The following NEBL variants were observed in gnomAD, a reference collection of about 807,000 sequenced individuals.
NEBL encodes nebulette.
Under a neutral mutation model 140.2 loss-of-function variants are expected in NEBL, and 122 were observed. The observed-to-expected ratio is 0.87, with a 90% CI of 0.75 to 1.01. The LOEUF is 1.01. NEBL is among the 50% of genes least tolerant of loss of function. NEBL has a pLI of 0.00. For missense variants in NEBL, 1,365 were observed against 1,231.3 expected, an observed-to-expected ratio of 1.11 and a Z score of -1.62; for synonymous variants, 436 against 398.9, an observed-to-expected ratio of 1.09 and a Z score of -1.11.
intron 26 of NEBL, among the ~76,000 whole-genome samples, chr10:20,800,253 T>G (rs962546214): frequency 1.3e-5 from 2 of 152,090 alleles, no homozygotes; most frequent in Admixed American, 6.6e-5. Context: ...CTTATTTCAC[T>G]TAGTATAATG....
intron 26 of NEBL, among the ~76,000 whole-genome samples, chr10:20,788,186 G>A (rs536566612): frequency 6.6e-6 from 1 of 152,272 alleles, no homozygotes; most frequent in South Asian, 2.1e-4. Context: ...ATGTGTTTAA[G>A]TTATCTGTGA....
intron 3 of NEBL, among the ~76,000 whole-genome samples, chr10:21,201,279 G>T (rs1301960712): frequency 6.6e-6 from 1 of 152,146 alleles, no homozygotes; most frequent in Non-Finnish European, 1.5e-5. Context: ...CCTGTGTCGG[G>T]CTTTCTCTAG....
intron 5 of NEBL, among the ~76,000 whole-genome samples, chr10:20,875,760 A>G (rs1208379624): frequency 6.6e-6 from 1 of 151,942 alleles, no homozygotes; most frequent in Non-Finnish European, 1.5e-5. Flanking sequence ...CATGGGGTCT[A>G]AAGTCTGCAT....
At chr10:20,901,269 T>C (rs1847858399), upstream of NEBL, among the ~76,000 whole-genome samples, 2 of 152,266 alleles carry the variant, frequency 1.3e-5, no homozygotes, top group Admixed American at 1.3e-4. Context: ...GCTTGATGTT[T>C]ACACGTAAGC....
chr10:21,152,317 A>C lies in NEBL; in HGVS notation c.164+20066T>G, dbSNP rs140125935. On this transcript the variant is annotated intron_variant, in intron 2 of 6. Transcript: ENST00000417816. ...ACAGTGACGCCAGTGTAATATTTTA[A>C]ATCCGTTAGTCCCAAGAATTCCAAA... 6.1e-3 allele frequency among the ~76,000 whole-genome samples: 933 copies of C among 152,284 alleles called. 9 individuals carry two copies. The highest frequency in any genetic ancestry group is 0.021 in the African/African-American group (873 of 41,558).
intron 2 of NEBL, among the ~76,000 whole-genome samples, chr10:20,894,731 G>A (rs149458013): frequency 0.057 from 8,291 of 145,730 alleles, 355 homozygotes; most frequent in Middle Eastern, 0.12. Flanking sequence ...TAACTAACAC[G>A]GTGAAACCCC....
intron 2 of NEBL, among the ~76,000 whole-genome samples, chr10:21,079,795 C>T (rs1192316363): frequency 1.3e-5 from 2 of 152,146 alleles, no homozygotes; most frequent in South Asian, 2.1e-4. Flanking sequence ...GGAGGAAGGA[C>T]GTGCACAGAC....
upstream of NEBL, among the ~76,000 whole-genome samples, chr10:21,176,955 A>G (rs769404668): frequency 3.9e-4 from 59 of 152,258 alleles, 1 homozygote; most frequent in Non-Finnish European, 1.3e-4. Context: ...AACTCCAAAT[A>G]AAAGTTTTAA....
rs1023637051 is a variant in NEBL, at chr10:20,781,291, ACACTCT to A, written c.*4450_*4455del. The A allele has an allele frequency of 6.6e-6, 1 of 152,604 alleles. No homozygotes were observed. Among genetic ancestry groups the A allele is most frequent in the Non-Finnish European group, 1.5e-5 (1 of 68,022 alleles). 9.5% of individuals were successfully genotyped at this position (152,604 alleles called of 1,614,324 possible). A position where few individuals can be genotyped will look rare whatever the true frequency, so the allele number is the denominator to read the frequency against. ...ATTCAATGTTTTCTTCAAAACTGTTACACTCTCAAAGTTAGTCTCGCAAATTAATCA... is the reference window on the plus strand; with the variant it reads ...ATTCAATGTTTTCTTCAAAACTGTTACAAAGTTAGTCTCGCAAATTAATCA... On this transcript the variant is annotated 3_prime_UTR_variant, in exon 28 of 28. Transcript: ENST00000377122.
Position 20,831,305 on chromosome 10 carries a change from T to A in NEBL, c.1562A>T (p.Lys521Ile), listed in dbSNP as rs1331446094. 6.2e-7 allele frequency: 1 copy of A among 1,600,760 alleles called. No homozygotes were observed. The highest frequency in any genetic ancestry group is 8.6e-7 in the Non-Finnish European group (1 of 1,168,926). ...ATTTTCTAAGTCCTTCTTGTATTGT[T>A]TCTAAAAGAACAGAAAATAATCTTA... The part of the protein sequence containing the change: ...AKKASEMASQ[K>I]QYKKDLENEI... Residue 521 changes from lysine to isoleucine, a missense_variant and splice_region_variant, in exon 16 of 28, where the codon AAA becomes ATA. Lys to Ile is a moderately radical substitution (Grantham distance 102, BLOSUM62 -3). Around this residue, in one of 2 missense-constraint regions of NEBL, gnomAD observed 1,323 missense variants for 1,154.8 expected, o/e 1.15. Transcript: ENST00000377122.
At chr10:21,184,246 G>A (rs1182150454) in intron 3 of NEBL, among the ~76,000 whole-genome samples, 2 of 152,150 alleles carry the variant, frequency 1.3e-5, no homozygotes. Flanking sequence ...CTTGTCCAAA[G>A]GTGTTTTCTT....
rs753178216 is a variant in NEBL, at chr10:20,852,683, CAA to C, written c.904-36_904-35del. ...CAGAATGGGGAAATCAACTTAGAAT[CAA>C]AGAGACTGATTAGAGCAATAAATAC... On this transcript the variant is annotated intron_variant, in intron 9 of 27. Transcript: ENST00000377122. The C allele has an allele frequency of 2.7e-6, 4 of 1,475,104 alleles. No homozygotes were observed. In the South Asian group the frequency reaches 3.4e-5, roughly 13 times the overall value. 91.4% of individuals were successfully genotyped at this position (1,475,104 alleles called of 1,614,324 possible). A position where few individuals can be genotyped will look rare whatever the true frequency, so the allele number is the denominator to read the frequency against.
chr10:21,081,166 AT>A (rs576103590), intron 2 of NEBL, among the ~76,000 whole-genome samples: 71 of 152,294 alleles, frequency 4.7e-4, no homozygotes, highest in Middle Eastern at 3.4e-3. Flanking sequence ...ATCTGGTATT[AT>A]TTAATAGTCA....
chr10:21,151,689 G>T (rs1273152959), intron 2 of NEBL, among the ~76,000 whole-genome samples: 2 of 151,750 alleles, frequency 1.3e-5, no homozygotes, highest in African/African-American at 4.9e-5. Flanking sequence ...TTCCTGCCTG[G>T]ATTGCTTTTC....
chr10:21,247,554 C>T (rs1473607765), intron 3 of NEBL, among the ~76,000 whole-genome samples: 1 of 152,134 alleles, frequency 6.6e-6, no homozygotes, highest in African/African-American at 2.4e-5. Flanking sequence ...AATTTTTCAC[C>T]TCATCATCCT....
chr10:20,912,741 A>G lies in NEBL; in HGVS notation c.357+48931T>C, dbSNP rs143460330. On this transcript the variant is annotated intron_variant, in intron 4 of 6. Coordinates refer to the NEBL transcript ENST00000417816. The stretch of plus-strand genomic sequence containing the variant: ...CCTGGTTAAAACGTTGTGACTTGAG[A>G]TTTCTGAATGAATTATATACGCAGT... Among the ~76,000 whole-genome samples the G allele has an allele frequency of 5.8e-3, 878 of 152,140 alleles. 9 individuals carry two copies. Among genetic ancestry groups the G allele is most frequent in the African/African-American group, 0.02 (830 of 41,504 alleles).
intron 1 of NEBL, among the ~76,000 whole-genome samples, chr10:21,269,954 A>G (rs1842842687): frequency 6.6e-6 from 1 of 152,200 alleles, no homozygotes; most frequent in African/African-American, 2.4e-5. Context: ...AAGAAATTTG[A>G]GGAGTTCTTT....
At chr10:20,993,886 T>C (rs886416436) in intron 3 of NEBL, among the ~76,000 whole-genome samples, 1 of 152,158 alleles carries the variant, frequency 6.6e-6, no homozygotes, top group Non-Finnish European at 1.5e-5. Flanking sequence ...AAGAATATAA[T>C]ACATTGGTTT....
intron 4 of NEBL, among the ~76,000 whole-genome samples, chr10:20,919,748 C>T (rs1353628559): frequency 1.3e-5 from 2 of 151,982 alleles, no homozygotes; most frequent in Non-Finnish European, 2.9e-5. Context: ...TGCTTTACAA[C>T]CTGGGAGTGG....
Sources: gnomAD v4.1 joint callset for allele counts (sites outside exome capture counted in the v4.1 genomes callset) on GRCh38, gnomAD v4.1.1 for gene constraint, gnomAD v4.1.1 regional missense constraint, MANE v1.5 for transcripts, NCBI Gene and HGNC (gene_info 2026-07-23, HGNC 2026-07-21) for gene names.